SLMAP: variants seen among roughly 807,000 people sequenced by gnomAD.
The protein encoded by SLMAP is sarcolemma associated protein, also known as sarcolemmal membrane-associated protein.
Under a neutral mutation model 128.8 loss-of-function variants are expected in SLMAP, and 44 were observed. That is an observed-to-expected ratio of 0.34 (90% CI 0.27 to 0.44). The LOEUF is 0.44. Ranked by LOEUF, SLMAP falls within the 20% of genes least tolerant of loss-of-function variation. The pLI, the probability that SLMAP is intolerant of heterozygous loss-of-function variation, is 1.00. For synonymous variants in SLMAP, 327 were observed against 348.8 expected, an observed-to-expected ratio of 0.94 and a Z score of 0.70; for missense variants, 787 against 985.3, an observed-to-expected ratio of 0.80 and a Z score of 2.69.
chr3:57,888,546 G>C (rs1314239383), intron 14 of SLMAP, among the ~76,000 whole-genome samples: 1 of 151,972 alleles, frequency 6.6e-6, no homozygotes, highest in Admixed American at 6.6e-5. Context: ...GAACCCGGGA[G>C]GCAGAGGTTG....
At chr3:57,846,796 T>TGATC (rs1222954047) in intron 4 of SLMAP, among the ~76,000 whole-genome samples, 1 of 152,062 alleles carries the variant, frequency 6.6e-6, no homozygotes, top group Non-Finnish European at 1.5e-5. Context: ...AGACCTCAGG[T>TGATC]GATCCTCCCG....
chr3:57,808,549 T>C (rs184402728), intron 2 of SLMAP, among the ~76,000 whole-genome samples: 5 of 152,336 alleles, frequency 3.3e-5, no homozygotes, highest in African/African-American at 1.2e-4. Context: ...TCAATTTCCA[T>C]GCAGTTGTGT....
At chr3:57,926,926 A>G (rs767281519) in intron 24 of SLMAP, among the ~76,000 whole-genome samples, 7 of 152,240 alleles carry the variant, frequency 4.6e-5, no homozygotes, top group Admixed American at 6.5e-5. Context: ...TTTTAGGCAG[A>G]AACATACTAC....
chr3:57,809,583 G>T (rs966708746), intron 2 of SLMAP, among the ~76,000 whole-genome samples: 22 of 152,220 alleles, frequency 1.4e-4, no homozygotes, highest in African/African-American at 4.8e-4. Context: ...GGTGGAAGGG[G>T]TTGGGTCCCT....
chr3:57,869,636 A>ATAT lies in SLMAP; in HGVS notation c.1238-1999_1238-1997dup, dbSNP rs1553900291. ...TAGCAAGATCCCATCTCTATTATAT[A>ATAT]TATATATATATATATATATATATAA... On this transcript the variant is annotated intron_variant, in intron 13 of 24. Coordinates refer to ENST00000671191, the MANE Select transcript of SLMAP (RefSeq NM_001377540.1). 8.0e-5 allele frequency among the ~76,000 whole-genome samples: 10 copies of ATAT among 124,372 alleles called. 1 individual carries two copies. The highest frequency in any genetic ancestry group is 1.3e-4 in the African/African-American group (4 of 30,152). 81.6% of individuals were successfully genotyped at this position (124,372 alleles called of 152,430 possible). A position where few individuals can be genotyped will look rare whatever the true frequency, so the allele number is the denominator to read the frequency against.
chr3:57,840,302 G>A (rs550111723), intron 3 of SLMAP, among the ~76,000 whole-genome samples: 74 of 152,272 alleles, frequency 4.9e-4, no homozygotes, highest in Admixed American at 2.1e-3. Context: ...TATAATTTAC[G>A]TATAACACAA....
intron 2 of SLMAP, among the ~76,000 whole-genome samples, chr3:57,809,212 T>C (rs2090480825): frequency 6.6e-6 from 1 of 152,198 alleles, no homozygotes; most frequent in Admixed American, 6.5e-5. Flanking sequence ...ACTGTGGCTG[T>C]GGACCCAGGC....
chr3:57,760,921 T>G (rs1391382093), intron 2 of SLMAP, among the ~76,000 whole-genome samples: 1 of 151,976 alleles, frequency 6.6e-6, no homozygotes, highest in African/African-American at 2.4e-5. Flanking sequence ...GAGACAGGGT[T>G]TCTCCATGTT....
intron 19 of SLMAP, among the ~76,000 whole-genome samples, chr3:57,911,731 A>G (rs1411715042): frequency 1.3e-5 from 2 of 152,142 alleles, no homozygotes; most frequent in Admixed American, 1.3e-4. Flanking sequence ...GATGTCCAAT[A>G]AGGACTTCAA....
intron 8 of SLMAP, among the ~76,000 whole-genome samples, chr3:57,859,193 A>G (rs2094930907): frequency 1.3e-5 from 2 of 151,872 alleles, no homozygotes; most frequent in African/African-American, 4.8e-5. Flanking sequence ...ACATGGTGGC[A>G]TGTACCTGTA....
At chr3:57,851,221 T>C (rs12487033) in intron 6 of SLMAP, among the ~76,000 whole-genome samples, 24,065 of 152,158 alleles carry the variant, frequency 0.16, 2,449 homozygotes, top group East Asian at 0.43. Flanking sequence ...ATTTTCTGCT[T>C]TGTGTAACTA....
intron 2 of SLMAP, among the ~76,000 whole-genome samples, chr3:57,780,519 G>A (rs963921276): frequency 5.3e-5 from 8 of 152,132 alleles, no homozygotes; most frequent in African/African-American, 1.9e-4. Context: ...AACTTGGATA[G>A]GTGAGGTGTT....
Position 57,843,305 on chromosome 3 carries a change from C to CTTTTTTTTTTTTTTTTT in SLMAP, c.419+1942_419+1958dup. On this transcript the variant is annotated intron_variant, in intron 4 of 24. Coordinates refer to ENST00000671191, the MANE Select transcript of SLMAP (RefSeq NM_001377540.1). The stretch of plus-strand genomic sequence containing the variant: ...TTTTCTTTTTTCTTTCTTTCTTTTC[C>CTTTTTTTTTTTTTTTTT]TTTTTTTTTTTTTTTTTTTTTTTTC... 9.6e-4 allele frequency among the ~76,000 whole-genome samples: 88 copies of CTTTTTTTTTTTTTTTTT among 92,146 alleles called. 5 individuals carry two copies. The highest frequency in any genetic ancestry group is 1.5e-3 in the East Asian group (5 of 3,380). The allele number at this position is 92,146 out of a possible 152,430, so 60.5% of individuals were successfully genotyped here.
chr3:57,822,027 C>G (rs1436193051), intron 2 of SLMAP, among the ~76,000 whole-genome samples: 1 of 152,090 alleles, frequency 6.6e-6, no homozygotes, highest in Admixed American at 6.6e-5. Context: ...TATTTCCCAC[C>G]AGGCTCTCAG....
At chr3:57,822,198 A>G (rs562652125) in intron 2 of SLMAP, among the ~76,000 whole-genome samples, 3 of 152,114 alleles carry the variant, frequency 2.0e-5, no homozygotes, top group Non-Finnish European at 2.9e-5. Context: ...AATTGGCTCT[A>G]TGTATTCTGA....
In SLMAP at chr3:57,858,223, G is replaced by T. The variant is rs188566912; in HGVS notation, c.687+64G>T. ...GTTTTTTATGTAACATCATTTCTTT[G>T]ACTATCATTTTGAGTATATGCTAAA... On this transcript the variant is annotated intron_variant, in intron 8 of 24. Transcript: ENST00000671191. 71 of 930,824 alleles carry T rather than the reference G, an allele frequency of 7.6e-5. No individual in the cohort carries two copies. The African/African-American group carries it at 1.1e-3, about 14-fold the overall frequency. The allele number at this position is 930,824 out of a possible 1,614,324, so 57.7% of individuals were successfully genotyped here. A position where few individuals can be genotyped will look rare whatever the true frequency, so the allele number is the denominator to read the frequency against.
rs2077838910 is a variant in SLMAP at position 57,757,642 on chromosome 3, T to C, written c.-10T>C. 1 of 1,613,672 alleles carries C rather than the reference T, an allele frequency of 6.2e-7. No homozygotes were observed. The highest frequency in any genetic ancestry group is 8.5e-7 in the Non-Finnish European group (1 of 1,179,920). On this transcript the variant is annotated 5_prime_UTR_variant, in exon 2 of 25. Transcript: ENST00000671191. ...TCCCTGGTAGGAGAGACACCCCCAG[T>C]CTATCCTCGATGCCGTCAGCCTTGG...
At position 57,864,675 on chromosome 3, in the gene SLMAP, C is replaced by A. The variant is rs375002159; in HGVS notation, c.1094C>A (p.Ala365Asp). The A allele has an allele frequency of 7.5e-6, 12 of 1,596,610 alleles. No individual in the cohort carries two copies. Among genetic ancestry groups the A allele is most frequent in the Non-Finnish European group, 9.4e-6 (11 of 1,175,824 alleles). ...CAGGCAAAAATAGAAGCTTTGCAAG[C>A]TGATAATGATTTCACCAATGAAAGG... ...ELQAKIEALQ[A>D]DNDFTNERLT... Residue 365 changes from alanine (A) to aspartate (D), a missense_variant, in exon 11 of 25, where the codon GCT becomes GAT. This residue lies in a region of SLMAP where 715 missense variants were observed against 843.6 expected (regional missense o/e 0.85). Transcript: ENST00000671191.
At chr3:57,769,280 C>T (rs1348442825) in intron 2 of SLMAP, among the ~76,000 whole-genome samples, 1 of 152,024 alleles carries the variant, frequency 6.6e-6, no homozygotes, top group Non-Finnish European at 1.5e-5. Context: ...GCAAGCTCTG[C>T]CTCCTGGGTT....
Sources: allele counts gnomAD v4.1 joint callset (sites outside exome capture counted in the v4.1 genomes callset), GRCh38; gene constraint gnomAD v4.1.1; regional missense constraint gnomAD v4.1.1; transcripts MANE v1.5; gene names NCBI Gene and HGNC (gene_info 2026-07-23, HGNC 2026-07-21).